PI4KA: variants seen among roughly 807,000 people sequenced by gnomAD.
The protein encoded by PI4KA is phosphatidylinositol 4-kinase alpha.
In PI4KA, 122 loss-of-function variants were observed where a neutral mutation model predicts 271.4. That is an observed-to-expected ratio of 0.45 (90% CI 0.39 to 0.52). PI4KA has a LOEUF of 0.52. PI4KA is among the 20% of genes least tolerant of loss of function. PI4KA has a pLI of 0.00. For missense variants in PI4KA, 1,969 were observed against 2,769.1 expected (o/e 0.71, Z 6.48); for synonymous variants, 1,041 against 1,078.8 (o/e 0.96, Z 0.69).
At chr22:20,838,900 G>T (rs1286071765) in intron 1 of PI4KA, among the ~76,000 whole-genome samples, 169 bp from the exon 2 acceptor site, 4 of 151,976 alleles carry the variant, frequency 2.6e-5, no homozygotes, top group Non-Finnish European at 5.9e-5. Flanking sequence ...AACATAGTGA[G>T]ACCCTATCTC....
rs977058738 is a variant in PI4KA at position 20,768,549 on chromosome 22, G to A, written c.2329-2856C>T. 4.6e-5 allele frequency among the ~76,000 whole-genome samples: 7 copies of A among 152,300 alleles called. No homozygotes were observed. The South Asian group carries it at 1.4e-3, about 32-fold the overall frequency. ...GTTAAGATTATTTCTGGGTTGCTAG[G>A]GATTTCACTCTTCTTCTTTAATGTC... On this transcript the variant is annotated intron_variant, in intron 19 of 54. Coordinates refer to ENST00000255882, the MANE Select transcript of PI4KA (RefSeq NM_058004.4).
rs536336937 is a variant in PI4KA at position 20,743,274 on chromosome 22, T to C, written c.3457-510A>G. Among the ~76,000 whole-genome samples, 5 of 151,682 alleles carry C rather than the reference T, an allele frequency of 3.3e-5. No individual in the cohort carries two copies. In the South Asian group the frequency reaches 6.3e-4, roughly 19 times the overall value. ...GATCCTCCCACCTCAGCCTCCCAAG[T>C]AGCTGGATTACAGGCATGCGCCACC... On this transcript the variant is annotated intron_variant, in intron 30 of 54. Coordinates refer to ENST00000255882, the MANE Select transcript of PI4KA (RefSeq NM_058004.4).
At chr22:20,811,921 G>A (rs1921084580) in intron 8 of PI4KA, among the ~76,000 whole-genome samples, 1 of 151,152 alleles carries the variant, frequency 6.6e-6, no homozygotes, top group African/African-American at 2.4e-5. Context: ...GCTGAGGGAG[G>A]AGAATGGCGT....
At chr22:20,777,860 T>A (rs932172770) in intron 19 of PI4KA, among the ~76,000 whole-genome samples, 1 of 152,172 alleles carries the variant, frequency 6.6e-6, no homozygotes, top group Non-Finnish European at 1.5e-5. Flanking sequence ...CAGATCCTCC[T>A]CTGAACGAGT....
intron 32 of PI4KA, among the ~76,000 whole-genome samples, chr22:20,737,858 C>T (rs755437370): frequency 4.5e-4 from 69 of 152,220 alleles, no homozygotes; most frequent in Non-Finnish European, 7.9e-4. Context: ...CTCGATCTCC[C>T]GACCTCAGGT....
At chr22:20,856,116 CACTAAAT>C (rs1166355610) in intron 1 of PI4KA, among the ~76,000 whole-genome samples, 1 of 152,110 alleles carries the variant, frequency 6.6e-6, no homozygotes, top group African/African-American at 2.4e-5. Flanking sequence ...ACCCCGTCTC[CACTAAAT>C]ACTAAATACT....
At chr22:20,765,034 TGACA>T in intron 21 of PI4KA, 62 bp downstream of exon 21, 1 of 1,582,044 alleles carries the variant, frequency 6.3e-7, no homozygotes, top group Non-Finnish European at 8.6e-7. Flanking sequence ...GTGTTAATAA[TGACA>T]GTGAAAAGAT....
At chr22:20,807,535 C>T in intron 9 of PI4KA, 77 bp from the exon 10 acceptor site, 1 of 785,828 alleles carries the variant, frequency 1.3e-6, no homozygotes, top group Middle Eastern at 2.3e-4. Flanking sequence ...CAGCAAGGCC[C>T]AGCGGAATGG....
At chr22:20,807,821 C>T (rs1321917164) in intron 9 of PI4KA, among the ~76,000 whole-genome samples, 1 of 151,854 alleles carries the variant, frequency 6.6e-6, no homozygotes, top group Non-Finnish European at 1.5e-5. Flanking sequence ...GTAAGGGATC[C>T]ACACTGTCCA....
intron 19 of PI4KA, among the ~76,000 whole-genome samples, chr22:20,770,633 A>C (rs997092243): frequency 6.5e-5 from 8 of 123,120 alleles, no homozygotes; most frequent in South Asian, 2.8e-4. Flanking sequence ...CACACACACA[A>C]GCTGGACACA....
At chr22:20,769,601 C>G (rs189380145) in intron 19 of PI4KA, among the ~76,000 whole-genome samples, 2 of 150,116 alleles carry the variant, frequency 1.3e-5, no homozygotes, top group Admixed American at 6.7e-5. Flanking sequence ...ACCAGGAGGC[C>G]GAGGTTGCAG....
At chr22:20,841,766 A>G (rs1444943228) in intron 1 of PI4KA, among the ~76,000 whole-genome samples, 1 of 152,226 alleles carries the variant, frequency 6.6e-6, no homozygotes, top group Non-Finnish European at 1.5e-5. Context: ...AGATAGGCCC[A>G]GGGCAATCAC....
At chr22:20,851,984 C>T (rs1227144353) in intron 1 of PI4KA, among the ~76,000 whole-genome samples, 5 of 152,014 alleles carry the variant, frequency 3.3e-5, no homozygotes, top group African/African-American at 4.8e-5. Context: ...ATTAGCCGGG[C>T]GTGGTGGCGG....
At chr22:20,803,074 G>C in intron 13 of PI4KA, 117 bp downstream of exon 13, 1 of 1,055,926 alleles carries the variant, frequency 9.5e-7, no homozygotes, top group Non-Finnish European at 1.4e-6. Context: ...GGGAAAGACA[G>C]AAGGAAAGGT....
chr22:20,821,954 T>C (rs887086500), intron 4 of PI4KA, among the ~76,000 whole-genome samples: 2 of 152,188 alleles, frequency 1.3e-5, no homozygotes, highest in African/African-American at 4.8e-5. Flanking sequence ...AGTTCAGACC[T>C]GCCTGGGCAA....
chr22:20,797,483 G>A (rs929262658), intron 17 of PI4KA, among the ~76,000 whole-genome samples: 10 of 152,134 alleles, frequency 6.6e-5, no homozygotes, highest in African/African-American at 2.4e-4. Flanking sequence ...CAGGTTCCAT[G>A]GCAGAGAATG....
intron 19 of PI4KA, among the ~76,000 whole-genome samples, chr22:20,792,916 C>T (rs1278099782): frequency 1.3e-5 from 2 of 152,180 alleles, no homozygotes; most frequent in South Asian, 2.1e-4. Flanking sequence ...GATTTAGGAC[C>T]TGGGAGCCAC....
chr22:20,800,646 A>G (rs1935241649), intron 14 of PI4KA, among the ~76,000 whole-genome samples: 3 of 150,974 alleles, frequency 2.0e-5, no homozygotes, highest in Non-Finnish European at 3.0e-5. Context: ...GCGGATCACA[A>G]GGTCAGGAGA....
At position 20,803,292 on chromosome 22, in the gene PI4KA, G is replaced by A. The variant is rs935820852; in HGVS notation, c.1490C>T (p.Pro497Leu). Residue 497 changes from proline to leucine, a missense_variant, in exon 13 of 55, where the codon CCG (proline) becomes CTG (leucine). By Grantham distance (98) the Pro-to-Leu change is moderately conservative. This residue lies in a region of PI4KA where 228 missense variants were observed against 261.6 expected (regional missense o/e 0.87). Coordinates refer to ENST00000255882, the MANE Select transcript of PI4KA (RefSeq NM_058004.4). ...QGLGRLCERFPVVVHSVTPSL... is the reference protein window; with the variant it reads ...QGLGRLCERFLVVVHSVTPSL... ...CGGTGTCACAGAGTGCACCACCACCGGGAACCTCTCGCACAGGCGGCCCAA... is the reference window on the plus strand; with the variant it reads ...CGGTGTCACAGAGTGCACCACCACCAGGAACCTCTCGCACAGGCGGCCCAA... The A allele has an allele frequency of 1.9e-5, 30 of 1,614,076 alleles. No individual in the cohort carries two copies. Among genetic ancestry groups the A allele is most frequent in the East Asian group, 4.5e-5 (2 of 44,866 alleles).
Sources: allele counts gnomAD v4.1 joint callset (sites outside exome capture counted in the v4.1 genomes callset), GRCh38; gene constraint gnomAD v4.1.1; regional missense constraint gnomAD v4.1.1; transcripts MANE v1.5; gene names NCBI Gene and HGNC (gene_info 2026-07-23, HGNC 2026-07-21).